The following OXR1 variants were observed in gnomAD, a reference collection of about 807,000 sequenced individuals.
The protein encoded by OXR1 is oxidation resistance protein 1.
A neutral mutation model predicts 104.6 loss-of-function variants in OXR1; 41 were observed. The observed-to-expected ratio is 0.39, with a 90% CI of 0.31 to 0.51. The LOEUF is 0.51. OXR1 is among the 20% of genes least tolerant of loss of function. The probability of loss-of-function intolerance (pLI) is 0.77; values close to 1 mark genes in which losing one functional copy is unlikely to be tolerated. For synonymous variants in OXR1, 348 were observed against 348.4 expected (o/e 1.00, Z 0.01); for missense variants, 955 against 1,031.9 (o/e 0.93, Z 1.02).
intron 3 of OXR1, among the ~76,000 whole-genome samples, chr8:106,597,870 G>C (rs3101546): frequency 0.6 from 90,826 of 151,944 alleles, 27,908 homozygotes; most frequent in African/African-American, 0.75. Context: ...TGCCCACACT[G>C]CCCCAATATC....
At chr8:106,619,257 A>G (rs1821496849) in intron 3 of OXR1, among the ~76,000 whole-genome samples, 1 of 152,206 alleles carries the variant, frequency 6.6e-6, no homozygotes, top group Non-Finnish European at 1.5e-5. Context: ...TAATAAATTT[A>G]TGAGCATAAT....
At chr8:106,474,403 AAT>A (rs1297707513) in intron 2 of OXR1, among the ~76,000 whole-genome samples, 1 of 151,914 alleles carries the variant, frequency 6.6e-6, no homozygotes, top group African/African-American at 2.4e-5. Context: ...ACCTGAGAGT[AAT>A]ATATAAACTC....
chr8:106,694,413 T>TTA (rs1003110339), intron 7 of OXR1, among the ~76,000 whole-genome samples: 1 of 140,554 alleles, frequency 7.1e-6, no homozygotes, highest in Non-Finnish European at 1.5e-5. Context: ...ATATATATAT[T>TTA]TATATATATA....
chr8:106,284,256 A>G (rs571052307), intron 1 of OXR1, among the ~76,000 whole-genome samples: 45 of 152,046 alleles, frequency 3.0e-4, no homozygotes, highest in Non-Finnish European at 1.3e-4. Flanking sequence ...GGGGCTGCCT[A>G]GTTTGAAGGC....
At chr8:106,688,571 T>C (rs1246977335) in intron 6 of OXR1, among the ~76,000 whole-genome samples, 1 of 152,170 alleles carries the variant, frequency 6.6e-6, no homozygotes, top group East Asian at 1.9e-4. Context: ...CAGTAGCTAT[T>C]GTTTTTTTAC....
At position 106,720,424 on chromosome 8, in the gene OXR1, G is replaced by C. The variant is rs115167165; in HGVS notation, c.1956+6439G>C. Among the ~76,000 whole-genome samples, 961 of 152,236 alleles carry C rather than the reference G, an allele frequency of 6.3e-3. 13 individuals are homozygous for C. The highest frequency in any genetic ancestry group is 0.021 in the African/African-American group (874 of 41,538). ...TTGTGTTAAACATATACAATATTAA[G>C]ACTGTGGAAGACTCTTTAGACTATA... On this transcript the variant is annotated intron_variant, in intron 11 of 16. Coordinates refer to ENST00000517566, the MANE Select transcript of OXR1 (RefSeq NM_001198533.2).
intron 2 of OXR1, chr8:106,447,774 C>A (rs1181748288): frequency 3.1e-6 from 2 of 648,320 alleles, no homozygotes; most frequent in Non-Finnish European, 4.7e-6. Flanking sequence ...TATTTAATAA[C>A]CTCCTTCGTT....
chr8:106,668,038 T>C (rs1826532809), intron 3 of OXR1, among the ~76,000 whole-genome samples: 1 of 152,102 alleles, frequency 6.6e-6, no homozygotes, highest in South Asian at 2.1e-4. Flanking sequence ...GTGGGATATA[T>C]TTAACCATGC....
At chr8:106,726,145 A>T (rs1034560003) in intron 11 of OXR1, 2 of 1,443,386 alleles carry the variant, frequency 1.4e-6, no homozygotes. Context: ...TCACTGTAGT[A>T]AGGCTCTAGT....
At chr8:106,730,846 C>T (rs938586656) in intron 11 of OXR1, among the ~76,000 whole-genome samples, 16 of 150,168 alleles carry the variant, frequency 1.1e-4, no homozygotes, top group African/African-American at 3.7e-4. Context: ...GAGGAGTTTG[C>T]GATCAGCCAG....
chr8:106,697,648 A>G (rs886629858), intron 7 of OXR1: 14 of 1,613,816 alleles, frequency 8.7e-6, no homozygotes, highest in Admixed American at 3.3e-5. Context: ...CACACAGGCC[A>G]TGTTCTTTCC....
intron 3 of OXR1, among the ~76,000 whole-genome samples, chr8:106,554,222 C>T (rs368336498): frequency 3.3e-5 from 5 of 152,328 alleles, no homozygotes; most frequent in South Asian, 4.1e-4. Flanking sequence ...GGGGCCACAA[C>T]GTGGCTTCTG....
rs560191206 is a variant in OXR1, at chr8:106,293,636, C to T, written c.-139+23269C>T. On this transcript the variant is annotated intron_variant, in intron 1 of 16. Transcript: ENST00000517566. ...CAGAAATTTATTCTCTCTCATGATT[C>T]TTGGAGGCTGGAAAGTCCAAGATCA... Among the ~76,000 whole-genome samples, 45 of 152,270 alleles carry T rather than the reference C, an allele frequency of 3.0e-4. No individual in the cohort carries two copies. The South Asian group carries it at 8.9e-3, about 30-fold the overall frequency.
At chr8:106,697,554 C>A (rs1397596074) in intron 7 of OXR1, 3 of 1,611,496 alleles carry the variant, frequency 1.9e-6, no homozygotes, top group African/African-American at 2.7e-5. Context: ...CCTTGGATTT[C>A]TTAGGGAACC....
chr8:106,289,969 G>T (rs1049837475), intron 1 of OXR1, among the ~76,000 whole-genome samples: 6 of 152,144 alleles, frequency 3.9e-5, no homozygotes, highest in Admixed American at 1.3e-4. Flanking sequence ...GGACATGTTT[G>T]CTTCCCCTTC....
intron 3 of OXR1, among the ~76,000 whole-genome samples, chr8:106,675,653 G>A (rs1036891732): frequency 2.0e-5 from 3 of 152,100 alleles, no homozygotes; most frequent in African/African-American, 7.2e-5. Flanking sequence ...ATTTTGCTGT[G>A]GTCCAAGAGA....
At chr8:106,367,366 G>C (rs1318187595) in intron 2 of OXR1, among the ~76,000 whole-genome samples, 1 of 151,852 alleles carries the variant, frequency 6.6e-6, no homozygotes, top group East Asian at 1.9e-4. Flanking sequence ...CCCGATCTAT[G>C]TTCCACTTTT....
intron 2 of OXR1, among the ~76,000 whole-genome samples, chr8:106,451,988 G>A (rs757401485): frequency 1.3e-5 from 2 of 152,076 alleles, no homozygotes; most frequent in African/African-American, 2.4e-5. Flanking sequence ...TTTGGGGAGC[G>A]GGAGCATATT....
intron 7 of OXR1, chr8:106,697,699 A>G (rs371241640): frequency 6.2e-7 from 1 of 1,614,058 alleles, no homozygotes; most frequent in African/African-American, 1.3e-5. Context: ...AGTGGTGTTA[A>G]TGCCATAGCG....
Sources: gnomAD v4.1 joint callset for allele counts (sites outside exome capture counted in the v4.1 genomes callset) on GRCh38, gnomAD v4.1.1 for gene constraint, MANE v1.5 for transcripts, NCBI Gene and HGNC (gene_info 2026-07-23, HGNC 2026-07-21) for gene names.